SLC23A2: variants seen among roughly 807,000 people sequenced by gnomAD.
The protein encoded by SLC23A2 is Na(+)/L-ascorbic acid transporter 2.
SLC23A2 carries 36 observed loss-of-function variants against 73.3 expected under a neutral mutation model. The observed-to-expected ratio is 0.49, with a 90% CI of 0.38 to 0.65. The LOEUF (loss-of-function observed/expected upper bound fraction) is 0.65, where lower values mean the gene tolerates loss of function less well. SLC23A2 is among the 30% of genes least tolerant of loss of function. The probability of loss-of-function intolerance (pLI) is 0.00; values close to 1 mark genes in which losing one functional copy is unlikely to be tolerated. For missense variants in SLC23A2, 507 were observed against 841.6 expected (o/e 0.60, Z 4.92); for synonymous variants, 343 against 327.3 (o/e 1.05, Z -0.52).
intron 3 of SLC23A2, among the ~76,000 whole-genome samples, chr20:4,920,364 C>T (rs560341993): frequency 6.6e-6 from 1 of 152,326 alleles, no homozygotes; most frequent in East Asian, 1.9e-4. Flanking sequence ...TTACACATTG[C>T]TGACGAAATT....
upstream of SLC23A2, among the ~76,000 whole-genome samples, chr20:5,006,220 C>T (rs184850351): frequency 3.1e-4 from 47 of 151,832 alleles, 1 homozygote; most frequent in East Asian, 8.9e-3. Flanking sequence ...GCCTCAGCCT[C>T]CCGAGTAGCT....
In SLC23A2 at chr20:4,902,526, G is replaced by A; in HGVS notation, c.240C>T (p.Gly80=). Residue 80 remains glycine, a synonymous_variant, in exon 5 of 17, where the codon GGC becomes GGT. Coordinates refer to ENST00000338244, the MANE Select transcript of SLC23A2 (RefSeq NM_005116.6). This position sits in a 1 kb window ranked among gnomAD's most constrained non-coding sequence, Gnocchi z 4.0. ...SSLAETLDST[G]SLDPQRSDMI... ...TGTCTGATCGCTGGGGGTCCAGACT[G>A]CCAGTGCTATCCAGGGTCTCAGCGA... is the stretch of plus-strand genomic sequence containing the variant. 2.5e-6 allele frequency: 4 copies of A among 1,611,710 alleles called. No homozygotes were observed. The highest frequency in any genetic ancestry group is 2.2e-5 in the East Asian group (1 of 44,800).
rs1182258841 is a variant in SLC23A2 at position 4,855,876 on chromosome 20, CACA to C, written c.*1093_*1095del. 3 of 152,502 alleles carry C rather than the reference CACA, an allele frequency of 2.0e-5. No homozygotes were observed. The highest frequency in any genetic ancestry group is 7.3e-5 in the African/African-American group (3 of 41,368). The allele number at this position is 152,502 out of a possible 1,614,324, so 9.4% of individuals were successfully genotyped here. On this transcript the variant is annotated 3_prime_UTR_variant, in exon 17 of 17. Coordinates refer to ENST00000338244, the MANE Select transcript of SLC23A2 (RefSeq NM_005116.6). ...GGTATCAAGCAATACAAAACACAACCACAACAATGGTTACTGGCCTTCAAAAGC... is the reference window on the plus strand; with the variant it reads ...GGTATCAAGCAATACAAAACACAACCACAATGGTTACTGGCCTTCAAAAGC...
intron 4 of SLC23A2, among the ~76,000 whole-genome samples, chr20:4,906,295 T>C (rs1931951354): frequency 6.6e-6 from 1 of 152,124 alleles, no homozygotes; most frequent in African/African-American, 2.4e-5. Flanking sequence ...GCTGTGATCA[T>C]GCCACTGCAC....
intron 13 of SLC23A2, among the ~76,000 whole-genome samples, chr20:4,866,964 T>G (rs1393301866): frequency 6.8e-6 from 1 of 147,994 alleles, no homozygotes; most frequent in African/African-American, 2.5e-5. Flanking sequence ...TCTCTTAATT[T>G]AAAACTAGTG....
At chr20:5,005,467 G>A (rs1469676398), upstream of SLC23A2, among the ~76,000 whole-genome samples, 1 of 151,872 alleles carries the variant, frequency 6.6e-6, no homozygotes, top group African/African-American at 2.4e-5. Flanking sequence ...TCATGACCTG[G>A]TTAATTTGAT....
upstream of SLC23A2, among the ~76,000 whole-genome samples, chr20:5,004,535 A>C (rs114824358): frequency 6.6e-6 from 1 of 152,172 alleles, no homozygotes; most frequent in Non-Finnish European, 1.5e-5. Context: ...AAAATCCTTC[A>C]GGGCCTCCCA....
chr20:4,861,997 G>A lies in SLC23A2; in HGVS notation c.1575C>T (p.Phe525=), dbSNP rs554441878. Residue 525 remains phenylalanine (F), a synonymous_variant, in exon 15 of 17, where the codon TTC becomes TTT. Transcript: ENST00000338244. ...RNLFVLGFSI[F]FGLVLPSYLR... is the part of the protein sequence containing the mutation. ...GGTAACTTGGAAGGACGAGCCCAAA[G>A]AAGATCGAAAATCCAAGCACAAAGA... The A allele has an allele frequency of 4.3e-6, 7 of 1,614,194 alleles. No homozygotes were observed. In the East Asian group the frequency reaches 1.3e-4, roughly 31 times the overall value.
chr20:4,880,992 G>A (rs1034589340), intron 9 of SLC23A2, among the ~76,000 whole-genome samples: 1 of 152,240 alleles, frequency 6.6e-6, no homozygotes, highest in African/African-American at 2.4e-5. Context: ...GGTGGCGGCA[G>A]TGAAGGCCTG....
chr20:4,952,166 G>C (rs533358758), intron 2 of SLC23A2, among the ~76,000 whole-genome samples: 5 of 120,976 alleles, frequency 4.1e-5, no homozygotes, highest in Non-Finnish European at 8.9e-5. Context: ...TAATATAAAA[G>C]ATGTAGACTA....
chr20:4,939,304 GTTTTGT>G (rs1490539058), intron 2 of SLC23A2, among the ~76,000 whole-genome samples: 7 of 152,128 alleles, frequency 4.6e-5, no homozygotes, highest in African/African-American at 1.7e-4. Context: ...TGTAAGAGTG[GTTTTGT>G]TTAATAATCT....
chr20:4,974,196 C>T (rs1038537858), intron 1 of SLC23A2, among the ~76,000 whole-genome samples: 1 of 152,104 alleles, frequency 6.6e-6, no homozygotes, highest in Non-Finnish European at 1.5e-5. Context: ...ACCAGCCAGG[C>T]GCGGTGGTTT....
chr20:5,006,636 G>A (rs2088194989), intron 1 of SLC23A2, among the ~76,000 whole-genome samples: 1 of 151,628 alleles, frequency 6.6e-6, no homozygotes, highest in Admixed American at 6.6e-5. Context: ...TACAATCTTG[G>A]CTCAAGCAAT....
chr20:4,923,954 C>T (rs1422840070), intron 3 of SLC23A2, among the ~76,000 whole-genome samples: 1 of 152,132 alleles, frequency 6.6e-6, no homozygotes, highest in Admixed American at 6.5e-5. Context: ...CATCTTTCTG[C>T]CAAGGCCACT....
intron 11 of SLC23A2, among the ~76,000 whole-genome samples, chr20:4,870,990 C>A (rs530327626): frequency 3.9e-5 from 6 of 152,206 alleles, no homozygotes; most frequent in African/African-American, 1.4e-4. Flanking sequence ...TTACTTAATC[C>A]CTCATTAGAT....
rs1195035858 is a variant in SLC23A2, at chr20:4,856,352, A to G, written c.*620T>C. On this transcript the variant is annotated 3_prime_UTR_variant, in exon 17 of 17. Transcript: ENST00000338244. This position sits in a 1 kb window ranked among gnomAD's most constrained non-coding sequence, Gnocchi z 4.6. ...CCTTTCCTTTTCCCTCCAATGCCCC[A>G]AACAGATGTTCATTCAACATCTGTG... 1.3e-5 allele frequency: 2 copies of G among 152,250 alleles called. No homozygotes were observed. Among genetic ancestry groups the G allele is most frequent in the Non-Finnish European group, 2.9e-5 (2 of 68,094 alleles). 9.4% of individuals were successfully genotyped at this position (152,250 alleles called of 1,614,324 possible).
chr20:4,906,694 C>G (rs1296973171), intron 4 of SLC23A2, among the ~76,000 whole-genome samples: 2 of 152,158 alleles, frequency 1.3e-5, no homozygotes, highest in Non-Finnish European at 1.5e-5. Flanking sequence ...TTCTTTTCAA[C>G]AAGCCAGCTT....
At chr20:4,944,889 C>T (rs1480433516) in intron 2 of SLC23A2, among the ~76,000 whole-genome samples, 1 of 151,904 alleles carries the variant, frequency 6.6e-6, no homozygotes, top group Admixed American at 6.6e-5. Context: ...CTGTTAAATG[C>T]TAACATTTGA....
chr20:4,994,343 C>A (rs1324706796), intron 1 of SLC23A2, among the ~76,000 whole-genome samples: 2 of 152,078 alleles, frequency 1.3e-5, no homozygotes, highest in Non-Finnish European at 2.9e-5. Context: ...AGAATGAGAT[C>A]CATGTTTGAC....
Sources: gnomAD v4.1 joint callset for allele counts (sites outside exome capture counted in the v4.1 genomes callset) on GRCh38, gnomAD v4.1.1 for gene constraint, Gnocchi (gnomAD v3.1) non-coding constraint, MANE v1.5 for transcripts, NCBI Gene and HGNC (gene_info 2026-07-23, HGNC 2026-07-21) for gene names.